Variants in UNC5B observed in about 807,000 individuals in gnomAD.
UNC5B encodes netrin receptor UNC5B.
A neutral mutation model predicts 103.7 loss-of-function variants in UNC5B; 56 were observed. That is an observed-to-expected ratio of 0.54 (90% confidence interval 0.44 to 0.67). The LOEUF is 0.67. Among genes scored for constraint, UNC5B ranks in the 30% least tolerant of loss-of-function variants. UNC5B has a pLI of 0.00. For missense variants in UNC5B, 1,194 were observed against 1,284.5 expected (o/e 0.93, Z 1.08); for synonymous variants, 577 against 542.0 (o/e 1.06, Z -0.90).
intron 1 of UNC5B, among the ~76,000 whole-genome samples, chr10:71,232,151 A>AATGCTTTC (rs1843696344): frequency 6.6e-6 from 1 of 152,182 alleles, no homozygotes; most frequent in Non-Finnish European, 1.5e-5. Context: ...CTTGTGGCCC[A>AATGCTTTC]TCTCCGATGA....
In UNC5B at chr10:71,300,029, C is replaced by CTG. The variant is rs10681577; in HGVS notation, c.*784_*785dup. On this transcript the variant is annotated 3_prime_UTR_variant, in exon 17 of 17. Transcript: ENST00000335350. ...CACTTCTGGCCAGGAGTGAATGTGC[C>CTG]TGTGTGTGTGTGTGTGTGTGTGTGT... 8,095 of 146,616 alleles carry CTG rather than the reference C, an allele frequency of 0.055. 237 individuals carry two copies. The highest frequency in any genetic ancestry group is 0.099 in the East Asian group (491 of 4,958). 9.1% of individuals were successfully genotyped at this position (146,616 alleles called of 1,614,324 possible). A position where few individuals can be genotyped will look rare whatever the true frequency, so the allele number is the denominator to read the frequency against.
At chr10:71,220,658 G>A (rs1286893215) in intron 1 of UNC5B, among the ~76,000 whole-genome samples, 1 of 152,182 alleles carries the variant, frequency 6.6e-6, no homozygotes, top group Non-Finnish European at 1.5e-5. Context: ...ATCATCCTCA[G>A]AATTGCCTTG....
chr10:71,283,824 T>C lies in UNC5B; in HGVS notation c.305-896T>C, dbSNP rs970073728. 1.3e-5 allele frequency among the ~76,000 whole-genome samples: 2 copies of C among 151,988 alleles called. 1 individual carries two copies. The highest frequency in any genetic ancestry group is 1.3e-4 in the Admixed American group (2 of 15,266). On this transcript the variant is annotated intron_variant, in intron 2 of 16. Transcript: ENST00000335350. The stretch of plus-strand genomic sequence containing the variant: ...TTCCCAGGCCCTGACCGGGGAGCCA[T>C]TGAGAGATCAGGGGCTCCCTGGGAG...
chr10:71,241,167 C>A (rs1283882376), intron 1 of UNC5B, among the ~76,000 whole-genome samples: 2 of 152,160 alleles, frequency 1.3e-5, no homozygotes, highest in African/African-American at 4.8e-5. Flanking sequence ...GTCAAGCAAC[C>A]AGCTGGGTTT....
intron 1 of UNC5B, among the ~76,000 whole-genome samples, chr10:71,243,007 C>A (rs1394384415): frequency 2.0e-5 from 3 of 152,050 alleles, no homozygotes; most frequent in Middle Eastern, 3.4e-3. Context: ...CTGAAGCGGG[C>A]GGATCACCTG....
rs373815265 is a variant in UNC5B, at chr10:71,285,793, G to A, written c.552+364G>A. 2.6e-5 allele frequency among the ~76,000 whole-genome samples: 4 copies of A among 152,290 alleles called. No homozygotes were observed. In the South Asian group the frequency reaches 8.3e-4, roughly 32 times the overall value. On this transcript the variant is annotated intron_variant, in intron 4 of 16. Transcript: ENST00000335350. ...GATCCCATCATGCGTGTGTGTGAGTGTGTTCTCCCCCACGAGCTGATCACC... is the reference window on the plus strand; with the variant it reads ...GATCCCATCATGCGTGTGTGTGAGTATGTTCTCCCCCACGAGCTGATCACC...
chr10:71,224,470 T>G (rs12356611), intron 1 of UNC5B, among the ~76,000 whole-genome samples: 10,205 of 152,116 alleles, frequency 0.067, 479 homozygotes, highest in Non-Finnish European at 0.094. Flanking sequence ...TGGATTCTTT[T>G]TTTTCTTTTT....
intron 1 of UNC5B, chr10:71,217,317 G>A (rs1843351256): frequency 6.6e-6 from 1 of 152,458 alleles, no homozygotes; most frequent in South Asian, 2.1e-4. Context: ...AAGGCCTAGG[G>A]TAAGGGCACT....
intron 1 of UNC5B, among the ~76,000 whole-genome samples, chr10:71,220,446 C>G (rs1422032939): frequency 6.6e-6 from 1 of 152,132 alleles, no homozygotes; most frequent in Admixed American, 6.5e-5. Context: ...CTGGGAACCC[C>G]CAGCTGCTCT....
intron 1 of UNC5B, among the ~76,000 whole-genome samples, chr10:71,277,306 C>T (rs1438399673): frequency 2.0e-5 from 3 of 152,242 alleles, no homozygotes; most frequent in Non-Finnish European, 4.4e-5. Context: ...CAGAGGGAGG[C>T]TCAATCCTGC....
chr10:71,262,991 G>C (rs1211422231), intron 1 of UNC5B, among the ~76,000 whole-genome samples: 1 of 152,234 alleles, frequency 6.6e-6, no homozygotes, highest in Non-Finnish European at 1.5e-5. Flanking sequence ...CAGGGCCCTG[G>C]TTTAGGTGGG....
chr10:71,283,124 A>G (rs1369460800), intron 2 of UNC5B, among the ~76,000 whole-genome samples: 1 of 152,126 alleles, frequency 6.6e-6, no homozygotes, highest in Non-Finnish European at 1.5e-5. Context: ...CGTCTCAAAA[A>G]AAAAAAGAGA....
At chr10:71,238,026 G>A (rs1165063422) in intron 1 of UNC5B, among the ~76,000 whole-genome samples, 4 of 152,156 alleles carry the variant, frequency 2.6e-5, no homozygotes, top group African/African-American at 4.8e-5. Context: ...CCACTGAGTC[G>A]CCTCATTAAC....
At chr10:71,289,579 A>G (rs542322257) in intron 8 of UNC5B, among the ~76,000 whole-genome samples, 2 of 152,380 alleles carry the variant, frequency 1.3e-5, no homozygotes, top group African/African-American at 2.4e-5. Flanking sequence ...GCCCATGGTA[A>G]TTAAACCACA....
chr10:71,228,521 A>G (rs1843616962), intron 1 of UNC5B, among the ~76,000 whole-genome samples: 1 of 152,236 alleles, frequency 6.6e-6, no homozygotes, highest in Non-Finnish European at 1.5e-5. Context: ...AATATCAAGG[A>G]ACAAAGGATC....
intron 1 of UNC5B, among the ~76,000 whole-genome samples, chr10:71,224,803 A>G (rs1285097461): frequency 6.6e-6 from 1 of 152,176 alleles, no homozygotes; most frequent in African/African-American, 2.4e-5. Context: ...GGGATTTTGG[A>G]TTGCTGGATC....
rs760908222 is a variant in UNC5B, at chr10:71,279,950, GCGC to G, written c.211_213del (p.Ala71del). On this transcript the variant is annotated inframe_deletion, in exon 2 of 17. Coordinates refer to ENST00000335350, the MANE Select transcript of UNC5B (RefSeq NM_170744.5). The stretch of plus-strand genomic sequence containing the variant: ...AACAAGCCTGTGGAGCTCCGCTGCC[GCGC>G]CTTCCCCGCCACACAGATCTACTTC... The G allele has an allele frequency of 7.4e-6, 12 of 1,613,912 alleles. No individual in the cohort carries two copies. The highest frequency in any genetic ancestry group is 1.0e-5 in the Non-Finnish European group (12 of 1,180,042).
intron 1 of UNC5B, among the ~76,000 whole-genome samples, chr10:71,226,132 T>G (rs1457214071): frequency 6.6e-6 from 1 of 152,226 alleles, no homozygotes; most frequent in African/African-American, 2.4e-5. Context: ...TGGAGTGCAG[T>G]GGCACCATCT....
intron 1 of UNC5B, among the ~76,000 whole-genome samples, chr10:71,275,175 G>A (rs1037991736): frequency 3.9e-5 from 6 of 152,144 alleles, no homozygotes; most frequent in South Asian, 2.1e-4. Flanking sequence ...GCTTCTTGGC[G>A]GGATATCTGG....
Sources: allele counts gnomAD v4.1 joint callset (sites outside exome capture counted in the v4.1 genomes callset), GRCh38; gene constraint gnomAD v4.1.1; transcripts MANE v1.5; gene names NCBI Gene and HGNC (gene_info 2026-07-23, HGNC 2026-07-21).